KCTD1: variants seen among roughly 807,000 people sequenced by gnomAD.
KCTD1 encodes the protein potassium channel tetramerization domain containing 1.
A neutral mutation model predicts 66.0 loss-of-function variants in KCTD1; 24 were observed. The ratio of observed to expected loss-of-function variants is 0.36; its 90% CI spans 0.26 to 0.51. KCTD1 has a LOEUF of 0.51. Ranked by LOEUF, KCTD1 falls within the 20% of genes least tolerant of loss-of-function variation. The pLI is 0.95. For missense variants in KCTD1, 943 were observed against 1,205.2 expected, an observed-to-expected ratio of 0.78 and a Z score of 3.22; for synonymous variants, 511 against 517.2, an observed-to-expected ratio of 0.99 and a Z score of 0.16.
chr18:26,456,379 G>A (rs994883991), intron 4 of KCTD1: 3 of 152,596 alleles, frequency 2.0e-5, no homozygotes, highest in African/African-American at 7.2e-5. Flanking sequence ...CTTAGTCAGT[G>A]ATTCATTTGT....
chr18:26,514,549 C>CAAAA (rs200444964), intron 1 of KCTD1, among the ~76,000 whole-genome samples: 35 of 121,790 alleles, frequency 2.9e-4, no homozygotes, highest in African/African-American at 3.4e-4. Context: ...GACCTTGTCT[C>CAAAA]AAAAAAAAAA....
intron 1 of KCTD1, among the ~76,000 whole-genome samples, chr18:26,652,990 C>T (rs982384717): frequency 4.6e-5 from 7 of 152,304 alleles, no homozygotes; most frequent in Admixed American, 3.9e-4. Context: ...TTCCCCTCTA[C>T]ATAGATCTCA....
At chr18:26,480,546 G>T (rs1336403249) in intron 2 of KCTD1, among the ~76,000 whole-genome samples, 2 of 152,180 alleles carry the variant, frequency 1.3e-5, no homozygotes, top group Non-Finnish European at 2.9e-5. Flanking sequence ...GAGGTGGGCA[G>T]ATCCCAAGGT....
At chr18:26,584,374 G>A (rs1300042134) in intron 1 of KCTD1, among the ~76,000 whole-genome samples, 1 of 152,152 alleles carries the variant, frequency 6.6e-6, no homozygotes, top group Admixed American at 6.5e-5. Flanking sequence ...AAATAATTTT[G>A]TGATGTATTG....
chr18:26,474,304 T>C (rs1312996008), intron 3 of KCTD1, among the ~76,000 whole-genome samples: 1 of 152,226 alleles, frequency 6.6e-6, no homozygotes, highest in Non-Finnish European at 1.5e-5. Context: ...ATTATAAACA[T>C]GACTATAATA....
At position 26,455,623 on chromosome 18, in the gene KCTD1, T is replaced by C; in HGVS notation, c.*120A>G. 1 of 1,224,970 alleles carries C rather than the reference T, an allele frequency of 8.2e-7. No individual in the cohort carries two copies. The highest frequency in any genetic ancestry group is 1.3e-5 in the South Asian group (1 of 77,702). The allele number at this position is 1,224,970 out of a possible 1,614,324, so 75.9% of individuals were successfully genotyped here. On this transcript the variant is annotated 3_prime_UTR_variant, in exon 5 of 5. Coordinates refer to ENST00000580059, the MANE Select transcript of KCTD1 (RefSeq NM_001142730.3). ...GTGGTCTCTATTGGATATAAATGTG[T>C]CTTTTATTCGATTTTACGTCCAGGA...
intron 2 of KCTD1, among the ~76,000 whole-genome samples, chr18:26,485,535 C>T (rs1981870380): frequency 6.6e-6 from 1 of 152,212 alleles, no homozygotes; most frequent in South Asian, 2.1e-4. Flanking sequence ...TGTTCTCTGA[C>T]TTGAGTGTTT....
chr18:26,464,681 C>T (rs189161860), intron 3 of KCTD1, among the ~76,000 whole-genome samples: 5 of 152,322 alleles, frequency 3.3e-5, no homozygotes, highest in East Asian at 3.9e-4. Flanking sequence ...TGGAAGGCAC[C>T]GTGAGCACAA....
At chr18:26,639,410 G>T (rs187644505) in intron 1 of KCTD1, among the ~76,000 whole-genome samples, 95 of 152,138 alleles carry the variant, frequency 6.2e-4, no homozygotes, top group African/African-American at 2.3e-3. Context: ...GGCAGTGGGA[G>T]GTTATTGAAC....
intron 2 of KCTD1, among the ~76,000 whole-genome samples, chr18:26,485,654 C>T (rs1281022583): frequency 6.6e-6 from 1 of 152,044 alleles, no homozygotes. Flanking sequence ...TCAGCTAGAA[C>T]AGTTTCTGTT....
At chr18:26,559,667 G>A (rs1288903025) in intron 1 of KCTD1, among the ~76,000 whole-genome samples, 3 of 152,164 alleles carry the variant, frequency 2.0e-5, no homozygotes, top group East Asian at 1.9e-4. Flanking sequence ...AGGAGGACTC[G>A]GGGGTTCAGA....
chr18:26,546,260 G>A (rs1245266099), intron 1 of KCTD1, among the ~76,000 whole-genome samples: 1 of 150,202 alleles, frequency 6.7e-6, no homozygotes, highest in Non-Finnish European at 1.5e-5. Flanking sequence ...AAGTGGGATT[G>A]GCACGTTTTC....
chr18:26,526,868 G>GTT lies in KCTD1; in HGVS notation c.1809+19858_1809+19859dup, dbSNP rs917976432. 1.3e-3 allele frequency among the ~76,000 whole-genome samples: 175 copies of GTT among 138,466 alleles called. 3 individuals are homozygous for GTT. The highest frequency in any genetic ancestry group is 3.7e-3 in the Middle Eastern group (1 of 268). 90.8% of individuals were successfully genotyped at this position (138,466 alleles called of 152,430 possible). On this transcript the variant is annotated intron_variant, in intron 1 of 4. Coordinates refer to ENST00000580059, the MANE Select transcript of KCTD1 (RefSeq NM_001142730.3). ...CAGTCCCATTTATCTTACATTTTGGGTTTTTTTTTTTTTTTTGTCTCCAAC... is the reference window on the plus strand; with the variant it reads ...CAGTCCCATTTATCTTACATTTTGGGTTTTTTTTTTTTTTTTTTGTCTCCAAC...
upstream of KCTD1, chr18:26,548,812 C>T: frequency 9.2e-7 from 1 of 1,087,062 alleles, no homozygotes; most frequent in Non-Finnish European, 1.1e-6. Context: ...CCGGCTCCCA[C>T]TTCTAAGAAA....
intron 1 of KCTD1, among the ~76,000 whole-genome samples, chr18:26,503,797 T>C (rs188494323): frequency 2.1e-5 from 3 of 140,718 alleles, no homozygotes; most frequent in Admixed American, 1.7e-4. Flanking sequence ...AAGTCATAAA[T>C]GCAATGGATA....
At chr18:26,594,612 C>T (rs1986723872) in intron 1 of KCTD1, among the ~76,000 whole-genome samples, 1 of 152,218 alleles carries the variant, frequency 6.6e-6, no homozygotes, top group East Asian at 1.9e-4. Flanking sequence ...AAGCCTGTTA[C>T]TGGATCTGCA....
upstream of KCTD1, among the ~76,000 whole-genome samples, chr18:26,553,297 A>G (rs899071241): frequency 6.6e-6 from 1 of 152,204 alleles, no homozygotes; most frequent in African/African-American, 2.4e-5. Context: ...ATCTTGAGTA[A>G]TGTTTTTTGA....
At chr18:26,535,188 T>G (rs1331665060) in intron 1 of KCTD1, among the ~76,000 whole-genome samples, 1 of 152,184 alleles carries the variant, frequency 6.6e-6, no homozygotes, top group African/African-American at 2.4e-5. Context: ...ACTAAACATT[T>G]TCTATTTGTC....
At chr18:26,486,784 G>C (rs1241448573) in intron 2 of KCTD1, among the ~76,000 whole-genome samples, 1 of 152,142 alleles carries the variant, frequency 6.6e-6, no homozygotes, top group African/African-American at 2.4e-5. Context: ...AAAAACGTCA[G>C]ATTAATTATA....
Sources: allele counts gnomAD v4.1 joint callset (sites outside exome capture counted in the v4.1 genomes callset), GRCh38; gene constraint gnomAD v4.1.1; transcripts MANE v1.5; gene names NCBI Gene and HGNC (gene_info 2026-07-23, HGNC 2026-07-21).